The following SDHC variants were observed in gnomAD, a reference collection of about 807,000 sequenced individuals.
SDHC encodes succinate dehydrogenase complex subunit C.
Under a neutral mutation model 22.6 loss-of-function variants are expected in SDHC, and 11 were observed. The ratio of observed to expected loss-of-function variants is 0.49; its 90% confidence interval spans 0.31 to 0.81. The LOEUF (loss-of-function observed/expected upper bound fraction) is 0.81, where lower values mean the gene tolerates loss of function less well. SDHC is among the 30% of genes least tolerant of loss of function. SDHC has a pLI of 0.05. For synonymous variants in SDHC, 80 were observed against 77.8 expected (o/e 1.03, Z -0.15); for missense variants, 160 against 212.0 (o/e 0.75, Z 1.52).
At chr1:161,314,559 C>A in intron 1 of SDHC, 134 bp downstream of exon 1, 2 of 1,085,538 alleles carry the variant, frequency 1.8e-6, no homozygotes, top group East Asian at 2.6e-5. Flanking sequence ...GCCAAGCGCT[C>A]GGGGATCCTA....
intron 1 of SDHC, among the ~76,000 whole-genome samples, chr1:161,317,827 G>C (rs957147193): frequency 5.4e-5 from 8 of 149,012 alleles, no homozygotes; most frequent in Non-Finnish European, 8.9e-5. Flanking sequence ...ATCAGCCACC[G>C]AGCCAGGCAT....
chr1:161,315,509 A>G (rs1475114738), intron 1 of SDHC, among the ~76,000 whole-genome samples: 4 of 152,150 alleles, frequency 2.6e-5, no homozygotes, highest in Non-Finnish European at 5.9e-5. Flanking sequence ...ACCATAATTG[A>G]ATGCTTTTGA....
At chr1:161,318,167 A>T (rs1021890298) in intron 1 of SDHC, among the ~76,000 whole-genome samples, 1 of 147,262 alleles carries the variant, frequency 6.8e-6, no homozygotes, top group Admixed American at 6.7e-5. Flanking sequence ...GCAAGACTCC[A>T]TCTCAAAAAA....
In SDHC at chr1:161,323,660, T is replaced by C. The variant is rs2102295690; in HGVS notation, c.67T>C (p.Cys23Arg). ...CLRAHFSPQL[C>R]IRNAVPLGTT... ...CCGAGCCCACTTTAGCCCTCAGCTCTGTATCAGAAAGTAAGTTTCTAAGTC... is the reference window on the plus strand; with the variant it reads ...CCGAGCCCACTTTAGCCCTCAGCTCCGTATCAGAAAGTAAGTTTCTAAGTC... The change falls in exon 2 of 6, where the codon TGT becomes CGT. Residue 23 changes from cysteine to arginine, a missense_variant. Physicochemically the swap from Cys to Arg is radical, Grantham distance 180. Transcript: ENST00000367975. 1 of 1,612,080 alleles carries C rather than the reference T, an allele frequency of 6.2e-7. No homozygotes were observed.
intron 3 of SDHC, among the ~76,000 whole-genome samples, chr1:161,330,889 T>G (rs555159540): frequency 6.6e-6 from 1 of 151,860 alleles, no homozygotes; most frequent in East Asian, 1.9e-4. Flanking sequence ...TCCCAGCTAC[T>G]TGGGAGGCTG....
intron 2 of SDHC, 136 bp downstream of exon 2, chr1:161,323,806 C>T (rs1056868630): frequency 3.5e-6 from 2 of 578,480 alleles, no homozygotes; most frequent in Non-Finnish European, 3.0e-6. Context: ...CGCCATTCTC[C>T]TGCCTCAGCC....
chr1:161,333,203 T>G (rs1239878581), intron 3 of SDHC, among the ~76,000 whole-genome samples: 1 of 152,244 alleles, frequency 6.6e-6, no homozygotes, highest in Non-Finnish European at 1.5e-5. Context: ...AATATTTCAT[T>G]GTATGTACAT....
At chr1:161,349,324 T>G (rs1214163638) in intron 4 of SDHC, among the ~76,000 whole-genome samples, 5 of 151,914 alleles carry the variant, frequency 3.3e-5, no homozygotes, top group Admixed American at 3.3e-4. Flanking sequence ...ATTAGCTGGG[T>G]GTAGGTGGCA....
chr1:161,330,864 G>A (rs1671246007), intron 3 of SDHC, among the ~76,000 whole-genome samples: 1 of 152,018 alleles, frequency 6.6e-6, no homozygotes, highest in Non-Finnish European at 1.5e-5. Flanking sequence ...GCCAGGTGTG[G>A]TGGTGCGCCT....
intron 1 of SDHC, among the ~76,000 whole-genome samples, chr1:161,317,843 A>C (rs774418482): frequency 6.6e-6 from 1 of 151,184 alleles, no homozygotes; most frequent in African/African-American, 2.4e-5. Context: ...GGCATAAGCC[A>C]CCACGCCGGG....
At chr1:161,347,158 G>A (rs1234189314) in intron 4 of SDHC, among the ~76,000 whole-genome samples, 1 of 152,210 alleles carries the variant, frequency 6.6e-6, no homozygotes, top group African/African-American at 2.4e-5. Context: ...TGAAGAGGAG[G>A]TAGAGGAGGG....
chr1:161,323,128 A>G (rs1357554926), intron 1 of SDHC, among the ~76,000 whole-genome samples: 1 of 151,986 alleles, frequency 6.6e-6, no homozygotes, highest in Non-Finnish European at 1.5e-5. Context: ...CCTCCTGAGT[A>G]GCTGGGATTA....
chr1:161,334,378 T>C (rs904483407), intron 3 of SDHC, among the ~76,000 whole-genome samples: 4 of 152,180 alleles, frequency 2.6e-5, no homozygotes, highest in African/African-American at 9.7e-5. Flanking sequence ...ATGATTACAC[T>C]GGGCCCGTCC....
In SDHC at chr1:161,327,349, T is replaced by A. The variant is rs1190647644; in HGVS notation, c.78-1047T>A. ...CTATTGATTTAAAGAAAACTGTCCTTGACATTTTAGTGTGTAAGTACATCA... is the reference window on the plus strand; with the variant it reads ...CTATTGATTTAAAGAAAACTGTCCTAGACATTTTAGTGTGTAAGTACATCA... On this transcript the variant is annotated intron_variant, in intron 2 of 5. Coordinates refer to ENST00000367975, the MANE Select transcript of SDHC (RefSeq NM_003001.5). Among the ~76,000 whole-genome samples, 3 of 152,204 alleles carry A rather than the reference T, an allele frequency of 2.0e-5. No individual in the cohort carries two copies. In the East Asian group the frequency reaches 5.8e-4, roughly 29 times the overall value.
At chr1:161,354,150 C>T (rs1201595708) in intron 4 of SDHC, among the ~76,000 whole-genome samples, 1 of 152,092 alleles carries the variant, frequency 6.6e-6, no homozygotes, top group Non-Finnish European at 1.5e-5. Flanking sequence ...CATACCCAGC[C>T]AATCATAATT....
At chr1:161,339,869 G>A (rs956451593) in intron 3 of SDHC, among the ~76,000 whole-genome samples, 4 of 151,682 alleles carry the variant, frequency 2.6e-5, no homozygotes, top group South Asian at 2.1e-4. Context: ...CAGTAGAGAC[G>A]GGGTTTCTCC....
At chr1:161,339,660 GTGTTTTT>G in intron 3 of SDHC, 7 of 87,228 alleles carry the variant, frequency 8.0e-5, no homozygotes, top group Admixed American at 2.4e-4. Context: ...CCTGATACAG[GTGTTTTT>G]TTTTTTTTTT....
chr1:161,356,091 A>C (rs1437567991), intron 4 of SDHC, among the ~76,000 whole-genome samples: 2 of 152,030 alleles, frequency 1.3e-5, no homozygotes, highest in East Asian at 3.9e-4. Flanking sequence ...TAGATGATAT[A>C]GCAAGGCTTG....
chr1:161,337,044 A>G (rs1051020021), intron 3 of SDHC, among the ~76,000 whole-genome samples: 15 of 138,540 alleles, frequency 1.1e-4, no homozygotes, highest in African/African-American at 2.7e-5. Context: ...TAATGTTTGT[A>G]TTTTTTGTAG....
Sources: gnomAD v4.1 joint callset for allele counts (sites outside exome capture counted in the v4.1 genomes callset) on GRCh38, gnomAD v4.1.1 for gene constraint, MANE v1.5 for transcripts, NCBI Gene and HGNC (gene_info 2026-07-23, HGNC 2026-07-21) for gene names.